The following TRIM14 variants were observed in gnomAD, a reference collection of about 807,000 sequenced individuals.
TRIM14 encodes tripartite motif containing 14.
In TRIM14, 28 loss-of-function variants were observed where a neutral mutation model predicts 44.5. That is an observed-to-expected ratio of 0.63 (90% CI 0.47 to 0.86). The LOEUF (loss-of-function observed/expected upper bound fraction) is 0.86, where lower values mean the gene tolerates loss of function less well. Among genes scored for constraint, TRIM14 ranks in the 40% least tolerant of loss-of-function variants. The probability of loss-of-function intolerance (pLI) is 0.00; values close to 1 mark genes in which losing one functional copy is unlikely to be tolerated. For synonymous variants in TRIM14, 299 were observed against 269.2 expected (o/e 1.11, Z -1.08); for missense variants, 607 against 611.1 (o/e 0.99, Z 0.07).
At chr9:98,071,032 T>C (rs1017188840) in intron 6 of TRIM14, among the ~76,000 whole-genome samples, 1 of 151,972 alleles carries the variant, frequency 6.6e-6, no homozygotes, top group African/African-American at 2.4e-5. Flanking sequence ...AGGCTGGTCT[T>C]AAACTCTGGG....
chr9:98,108,531 C>T (rs1826710870), intron 2 of TRIM14, among the ~76,000 whole-genome samples: 1 of 152,144 alleles, frequency 6.6e-6, no homozygotes, highest in Non-Finnish European at 1.5e-5. Context: ...GGCCCTCAAA[C>T]CATATCTGCT....
chr9:98,045,776 T>C, the TRIM14 span, among the ~76,000 whole-genome samples: 8 of 152,188 alleles, frequency 5.3e-5, no homozygotes, highest in African/African-American at 1.9e-4. Context: ...TGCTGAGTGA[T>C]CAAGCAAGGT....
At chr9:98,079,620 G>A (rs1587929122), downstream of TRIM14, among the ~76,000 whole-genome samples, 1 of 152,198 alleles carries the variant, frequency 6.6e-6, no homozygotes, top group East Asian at 1.9e-4. Context: ...AATATGTAAT[G>A]TCGAAAGTAA....
the TRIM14 span, among the ~76,000 whole-genome samples, chr9:98,042,293 G>A: frequency 0.43 from 53,372 of 125,540 alleles, 12,685 homozygotes; most frequent in African/African-American, 0.69. Flanking sequence ...ACTCTGTCTG[G>A]AAAAAAAAAA....
chr9:98,082,911 C>T (rs1277069312), downstream of TRIM14: 1 of 1,614,198 alleles, frequency 6.2e-7, no homozygotes, highest in Non-Finnish European at 8.5e-7. Flanking sequence ...TGGACATGCT[C>T]ACCGTGAAGG....
At chr9:98,078,059 C>A in intron 6 of TRIM14, 1 of 1,337,156 alleles carries the variant, frequency 7.5e-7, no homozygotes, top group Non-Finnish European at 1.0e-6. Context: ...TGTTCCCCCA[C>A]AGGGGCTGGC....
chr9:98,106,569 C>T (rs1461283531), intron 2 of TRIM14, among the ~76,000 whole-genome samples: 2 of 152,162 alleles, frequency 1.3e-5, no homozygotes, highest in African/African-American at 4.8e-5. Context: ...GTTTAAAATG[C>T]TGACTATTAA....
Position 98,100,136 on chromosome 9 carries a change from A to G in TRIM14, c.332T>C (p.Leu111Pro). ...TCTGAGTTCAGTGAATTTCCCCTTC[A>G]GCCAGGTTTTACTTGACTCTGCATT... ...KANAESSKTW[L>P]KGKFTELRLL... The change falls in exon 3 of 6, where the codon CTG (leucine) becomes CCG (proline). Residue 111 changes from leucine (L) to proline (P), a missense_variant. By Grantham distance (98) the Leu-to-Pro change is moderately conservative (BLOSUM62 -3). Around this residue, in one of 3 missense-constraint regions of TRIM14, gnomAD observed 246 missense variants for 270.8 expected, o/e 0.91. Coordinates refer to ENST00000341469, the MANE Select transcript of TRIM14 (RefSeq NM_014788.4). 1 of 1,614,196 alleles carries G rather than the reference A, an allele frequency of 6.2e-7. No individual in the cohort carries two copies. The highest frequency in any genetic ancestry group is 8.5e-7 in the Non-Finnish European group (1 of 1,180,038).
chr9:98,084,693 AAG>A lies in TRIM14; in HGVS notation c.*2775_*2776del, dbSNP rs1433186173. ...ATGTTTTTTTTGTTTTTTTTGAGAC[AAG>A]AGTCTTGCTCTGTCCCCAGGCTGGA... On this transcript the variant is annotated 3_prime_UTR_variant, in exon 6 of 6. Transcript: ENST00000341469. 1 of 152,080 alleles carries A rather than the reference AAG, an allele frequency of 6.6e-6. No homozygotes were observed. The highest frequency in any genetic ancestry group is 1.5e-5 in the Non-Finnish European group (1 of 68,060). 9.4% of individuals were successfully genotyped at this position (152,080 alleles called of 1,614,324 possible).
chr9:98,046,568 A>G, the TRIM14 span, among the ~76,000 whole-genome samples: 5 of 151,888 alleles, frequency 3.3e-5, no homozygotes, highest in Admixed American at 3.3e-4. Context: ...CAGCCTCCTG[A>G]GTAGCTGGGA....
rs1232421515 is a variant in TRIM14, at chr9:98,119,010, A to C, written c.179T>G (p.Leu60Arg). 1 of 1,563,720 alleles carries C rather than the reference A, an allele frequency of 6.4e-7. No homozygotes were observed. The highest frequency in any genetic ancestry group is 1.8e-5 in the Admixed American group (1 of 56,218). Residue 60 changes from leucine (L) to arginine (R), a missense_variant, in exon 1 of 6, where the codon CTG becomes CGG. This residue lies in a region of TRIM14 where 246 missense variants were observed against 270.8 expected (regional missense o/e 0.91). Transcript: ENST00000341469. ...LGAHRGHPVG[L>R]ALEAAVHVQK... The stretch of plus-strand genomic sequence containing the variant: ...CACGTGCACCGCTGCCTCCAGCGCC[A>C]GGCCCACAGGGTGGCCACGGTGCGC...
chr9:98,049,341 A>T, the TRIM14 span, among the ~76,000 whole-genome samples: 3 of 6,558 alleles, frequency 4.6e-4, no homozygotes, highest in East Asian at 0.031. Flanking sequence ...GACTCTGCAT[A>T]AAAAAAAAAA....
downstream of TRIM14, chr9:98,080,768 A>AT (rs1829816827): frequency 1.3e-6 from 2 of 1,533,748 alleles, no homozygotes; most frequent in East Asian, 2.3e-5. Flanking sequence ...GAGAATATGC[A>AT]TAAAGCAGCA....
At chr9:98,040,983 T>C in the TRIM14 span, among the ~76,000 whole-genome samples, 15 of 152,082 alleles carry the variant, frequency 9.9e-5, no homozygotes, top group African/African-American at 2.9e-4. Context: ...CAGACAGGGT[T>C]TAATCATGTT....
downstream of TRIM14, among the ~76,000 whole-genome samples, chr9:98,067,782 T>G (rs1829191494): frequency 6.6e-6 from 1 of 151,762 alleles, no homozygotes; most frequent in African/African-American, 2.4e-5. Context: ...TGCAGAGTGG[T>G]GCAATATCGG....
At chr9:98,118,830 C>T in intron 1 of TRIM14, 152 bp downstream of exon 1, 3 of 924,942 alleles carry the variant, frequency 3.2e-6, no homozygotes, top group East Asian at 3.2e-5. Flanking sequence ...TCTGAACTTT[C>T]GGTCGACCGC....
At chr9:98,039,709 C>A in the TRIM14 span, among the ~76,000 whole-genome samples, 4 of 152,078 alleles carry the variant, frequency 2.6e-5, no homozygotes, top group Non-Finnish European at 5.9e-5. Context: ...GACCCAGGAA[C>A]TGACTCTGTG....
chr9:98,053,009 A>G, the TRIM14 span, among the ~76,000 whole-genome samples: 1 of 152,238 alleles, frequency 6.6e-6, no homozygotes, highest in Non-Finnish European at 1.5e-5. Context: ...GTAGTTCAGC[A>G]AAAGTAAGAA....
At chr9:98,069,885 G>C (rs1829261463) in intron 6 of TRIM14, among the ~76,000 whole-genome samples, 1 of 152,098 alleles carries the variant, frequency 6.6e-6, no homozygotes, top group Non-Finnish European at 1.5e-5. Flanking sequence ...TTAAATATAG[G>C]CACACAGAAA....
Sources: allele counts gnomAD v4.1 joint callset (sites outside exome capture counted in the v4.1 genomes callset), GRCh38; gene constraint gnomAD v4.1.1; regional missense constraint gnomAD v4.1.1; transcripts MANE v1.5; gene names NCBI Gene and HGNC (gene_info 2026-07-23, HGNC 2026-07-21).